The following LDLRAD4 variants were observed in gnomAD, a reference collection of about 807,000 sequenced individuals.
LDLRAD4 encodes low density lipoprotein receptor class A domain containing 4, also known as low-density lipoprotein receptor class A domain-containing protein 4.
A neutral mutation model predicts 17.0 loss-of-function variants in LDLRAD4; 5 were observed. That is an observed-to-expected ratio of 0.29 (90% confidence interval 0.15 to 0.62). LDLRAD4 has a LOEUF of 0.62. Ranked by LOEUF, LDLRAD4 falls within the 20% of genes least tolerant of loss-of-function variation. LDLRAD4 has a pLI of 0.84. For missense variants in LDLRAD4, 340 were observed against 424.7 expected, an observed-to-expected ratio of 0.80 and a Z score of 1.75; for synonymous variants, 168 against 171.8, an observed-to-expected ratio of 0.98 and a Z score of 0.17.
chr18:13,643,542 G>T (rs1186012427), intron 5 of LDLRAD4, 130 bp downstream of exon 6: 3 of 461,526 alleles, frequency 6.5e-6, no homozygotes, highest in Non-Finnish European at 1.1e-5. Flanking sequence ...TTGGAGGAAG[G>T]CATTGCCTAG....
chr18:13,568,853 A>C (rs371740575), intron 3 of LDLRAD4, among the ~76,000 whole-genome samples: 3 of 152,146 alleles, frequency 2.0e-5, no homozygotes, highest in Admixed American at 6.5e-5. Flanking sequence ...GCGTGCGTCT[A>C]TCCAGGAAGT....
chr18:13,269,336 A>G (rs2044391718), intron 1 of LDLRAD4, among the ~76,000 whole-genome samples: 1 of 152,226 alleles, frequency 6.6e-6, no homozygotes, highest in Admixed American at 6.5e-5. Flanking sequence ...TATTCTAAGA[A>G]TGGTGTAAAA....
chr18:13,606,476 G>T (rs1320002456), intron 3 of LDLRAD4, among the ~76,000 whole-genome samples: 1 of 152,154 alleles, frequency 6.6e-6, no homozygotes, highest in Non-Finnish European at 1.5e-5. Flanking sequence ...CTAGCTCCAT[G>T]GGGTCACACA....
chr18:13,541,250 G>A (rs1396563718), intron 3 of LDLRAD4, among the ~76,000 whole-genome samples: 1 of 152,160 alleles, frequency 6.6e-6, no homozygotes, highest in South Asian at 2.1e-4. Context: ...AACTATTCAA[G>A]GACACTCATT....
chr18:13,226,016 T>TTTA (rs1248419402), intron 1 of LDLRAD4, among the ~76,000 whole-genome samples: 1 of 151,972 alleles, frequency 6.6e-6, no homozygotes, highest in Non-Finnish European at 1.5e-5. Context: ...ATTTATTACA[T>TTTA]AACTTGATAA....
chr18:13,531,550 A>G (rs2094127440), intron 3 of LDLRAD4, among the ~76,000 whole-genome samples: 1 of 146,750 alleles, frequency 6.8e-6, no homozygotes, highest in African/African-American at 2.5e-5. Context: ...TGACCGCACC[A>G]CTGCACGCTA....
chr18:13,527,505 C>T (rs1049940545), intron 3 of LDLRAD4, among the ~76,000 whole-genome samples: 3 of 152,186 alleles, frequency 2.0e-5, no homozygotes, highest in Non-Finnish European at 2.9e-5. Context: ...TCTCAATCCT[C>T]GCCAAAGACC....
intron 2 of LDLRAD4, chr18:13,423,499 A>G (rs1208812546): frequency 4.6e-5 from 7 of 152,246 alleles, no homozygotes; most frequent in Admixed American, 3.9e-4. Context: ...TCTCAAAAAA[A>G]AAAAAAGACT....
rs191806497 is a variant in LDLRAD4 at position 13,547,441 on chromosome 18, G to A, written c.182-73676G>A. Among the ~76,000 whole-genome samples, 212 of 152,300 alleles carry A rather than the reference G, an allele frequency of 1.4e-3. 1 individual carries two copies. The highest frequency in any genetic ancestry group is 0.01 in the South Asian group (50 of 4,820). On this transcript the variant is annotated intron_variant, in intron 3 of 5. Coordinates refer to ENST00000359446, the Ensembl canonical transcript of LDLRAD4. Reference sequence around the variant, plus strand: ...TTCACCCGCTGGAAACCTTGTAGCCGGTGGCACCTTTGACTGAGTTTTGCT... The same window carrying A: ...TTCACCCGCTGGAAACCTTGTAGCCAGTGGCACCTTTGACTGAGTTTTGCT...
At chr18:13,449,422 G>A (rs1323007454) in intron 3 of LDLRAD4, among the ~76,000 whole-genome samples, 3 of 152,266 alleles carry the variant, frequency 2.0e-5, no homozygotes, top group African/African-American at 7.2e-5. Flanking sequence ...TGGAAGGGGA[G>A]CCTTGTGCTA....
At chr18:13,469,027 A>G (rs904869398) in intron 3 of LDLRAD4, among the ~76,000 whole-genome samples, 1 of 152,160 alleles carries the variant, frequency 6.6e-6, no homozygotes, top group Non-Finnish European at 1.5e-5. Context: ...CTACTAAAAG[A>G]CTCAACAACA....
intron 2 of LDLRAD4, among the ~76,000 whole-genome samples, chr18:13,397,307 C>A (rs1052008766): frequency 1.3e-5 from 2 of 152,152 alleles, no homozygotes; most frequent in African/African-American, 2.4e-5. Context: ...CCACACCTGC[C>A]TAATTTTTTG....
At chr18:13,428,704 G>A (rs2090118590) in intron 2 of LDLRAD4, among the ~76,000 whole-genome samples, 1 of 152,092 alleles carries the variant, frequency 6.6e-6, no homozygotes, top group African/African-American at 2.4e-5. Flanking sequence ...GGTTTTGGAG[G>A]TGGAGCCAAC....
At chr18:13,342,403 C>G (rs2144092984) in intron 1 of LDLRAD4, among the ~76,000 whole-genome samples, 1 of 151,010 alleles carries the variant, frequency 6.6e-6, no homozygotes, top group African/African-American at 2.4e-5. Flanking sequence ...CTGATTCAGT[C>G]CCTTTACTAG....
At chr18:13,527,038 C>T (rs568473564) in intron 3 of LDLRAD4, among the ~76,000 whole-genome samples, 1 of 152,232 alleles carries the variant, frequency 6.6e-6, no homozygotes, top group East Asian at 1.9e-4. Flanking sequence ...AAAAGCACCC[C>T]TGTCATTTGC....
At position 13,649,611 on chromosome 18, in the gene LDLRAD4, A is replaced by G. The variant is rs371825659; in HGVS notation, c.*3954A>G. On this transcript the variant is annotated 3_prime_UTR_variant, in exon 6 of 6. Coordinates refer to ENST00000359446, the Ensembl canonical transcript of LDLRAD4. Reference sequence around the variant, plus strand: ...GCGCAGGGAGCCCGGCCCCCCATGCAGCCATGACTGGATGCGCCCCCATCT... The same window carrying G: ...GCGCAGGGAGCCCGGCCCCCCATGCGGCCATGACTGGATGCGCCCCCATCT... 1,469 of 153,508 alleles carry G rather than the reference A, an allele frequency of 9.6e-3. 26 individuals carry two copies. Among genetic ancestry groups the G allele is most frequent in the South Asian group, 0.07 (338 of 4,834 alleles). 9.5% of individuals were successfully genotyped at this position (153,508 alleles called of 1,614,324 possible).
intron 3 of LDLRAD4, among the ~76,000 whole-genome samples, chr18:13,496,227 G>A (rs2093466270): frequency 6.6e-6 from 1 of 152,170 alleles, no homozygotes; most frequent in East Asian, 1.9e-4. Flanking sequence ...GAAATCGTGT[G>A]CGTTGTTCAG....
intron 1 of LDLRAD4, among the ~76,000 whole-genome samples, chr18:13,295,076 G>A (rs1279943348): frequency 1.3e-5 from 2 of 152,186 alleles, no homozygotes; most frequent in African/African-American, 2.4e-5. Flanking sequence ...TGGAATCTCT[G>A]TTTCAGGCTG....
intron 3 of LDLRAD4, among the ~76,000 whole-genome samples, chr18:13,467,000 C>T (rs2092640107): frequency 6.6e-6 from 1 of 152,098 alleles, no homozygotes; most frequent in African/African-American, 2.4e-5. Flanking sequence ...TAGTGGGGCA[C>T]AAACATTCAG....
Sources: gnomAD v4.1 joint callset for allele counts (sites outside exome capture counted in the v4.1 genomes callset) on GRCh38, gnomAD v4.1.1 for gene constraint, MANE v1.5 for transcripts, NCBI Gene and HGNC (gene_info 2026-07-23, HGNC 2026-07-21) for gene names.